Variants in ADNP observed in about 807,000 individuals in gnomAD.
ADNP encodes the protein activity dependent neuroprotector homeobox, also known as activity-dependent neuroprotector homeobox protein.
In ADNP, 4 loss-of-function variants were observed where a neutral mutation model predicts 84.9. The observed-to-expected ratio is 0.05, with a 90% confidence interval of 0.02 to 0.11. The LOEUF (loss-of-function observed/expected upper bound fraction) is 0.11. ADNP is among the 10% of genes least tolerant of loss of function. The pLI is 1.00. For synonymous variants in ADNP, 554 were observed against 468.1 expected, an observed-to-expected ratio of 1.18 and a Z score of -2.37; for missense variants, 1,132 against 1,326.0, an observed-to-expected ratio of 0.85 and a Z score of 2.27.
rs1980567576 is a variant in ADNP, at chr20:50,890,436, G to A, written c.*969C>T. 6.6e-6 allele frequency: 1 copy of A among 152,456 alleles called. No individual in the cohort carries two copies. Among genetic ancestry groups the A allele is most frequent in the African/African-American group, 2.4e-5 (1 of 41,456 alleles). 9.4% of individuals were successfully genotyped at this position (152,456 alleles called of 1,614,324 possible). ...ACAAAATTATACATACTACAACAGT[G>A]TGTCATATATTAGATGGTATAAATG... On this transcript the variant is annotated 3_prime_UTR_variant, in exon 6 of 6. Transcript: ENST00000621696.
intron 5 of ADNP, among the ~76,000 whole-genome samples, chr20:50,899,672 A>C (rs1433402233): frequency 2.0e-5 from 3 of 152,102 alleles, no homozygotes; most frequent in Non-Finnish European, 2.9e-5. Flanking sequence ...CTGCTCCTGA[A>C]AACCTTCCAG....
At chr20:50,909,123 C>G (rs2122882502) in intron 2 of ADNP, among the ~76,000 whole-genome samples, 1 of 151,022 alleles carries the variant, frequency 6.6e-6, no homozygotes, top group East Asian at 2.0e-4. Context: ...ATAATCCCAG[C>G]ACTTTGGGAG....
intron 2 of ADNP, among the ~76,000 whole-genome samples, chr20:50,926,916 C>A (rs1157387783): frequency 7.0e-6 from 1 of 143,494 alleles, no homozygotes; most frequent in Admixed American, 6.9e-5. Flanking sequence ...TAGCCAGCAT[C>A]ATCTTATTTA....
chr20:50,930,809 G>A lies in ADNP; in HGVS notation c.-265+17C>T, dbSNP rs1290424766. 1.3e-5 allele frequency: 2 copies of A among 148,842 alleles called. No homozygotes were observed. The highest frequency in any genetic ancestry group is 3.9e-4 in the East Asian group (2 of 5,102). The allele number at this position is 148,842 out of a possible 1,614,324, so 9.2% of individuals were successfully genotyped here. ...AGGGCAGGGCCGCGGGTCCGCGCGC[G>A]GCGGCGCCGGGCTTACCTTGACTCG... On this transcript the variant is annotated intron_variant, in intron 1 of 5. Coordinates refer to ENST00000621696, the MANE Select transcript of ADNP (RefSeq NM_001282531.3).
At chr20:50,904,093 C>T in intron 3 of ADNP, 92 bp from the exon 4 acceptor site, 1 of 959,474 alleles carries the variant, frequency 1.0e-6, no homozygotes, top group Non-Finnish European at 1.6e-6. Context: ...AAAACCTACC[C>T]ATCTGACAAA....
At chr20:50,901,321 T>TAAAAAAAAAAAAAAA (rs11470054) in intron 5 of ADNP, among the ~76,000 whole-genome samples, 1 of 92,758 alleles carries the variant, frequency 1.1e-5, no homozygotes, top group African/African-American at 4.1e-5. Context: ...CTGGGGTATT[T>TAAAAAAAAAAAAAAA]AAAAAAAAAA....
intron 1 of ADNP, among the ~76,000 whole-genome samples, chr20:50,929,035 T>A (rs1323685964): frequency 6.6e-6 from 1 of 152,174 alleles, no homozygotes; most frequent in Non-Finnish European, 1.5e-5. Context: ...GGGCTTGATG[T>A]TTACCAACAA....
chr20:50,918,882 GTTCA>G (rs1360526431), intron 2 of ADNP, among the ~76,000 whole-genome samples: 1 of 152,148 alleles, frequency 6.6e-6, no homozygotes, highest in Non-Finnish European at 1.5e-5. Flanking sequence ...TGCTGGTGTA[GTTCA>G]TTTATAGCAA....
rs1981126911 is a variant in ADNP at position 50,894,076 on chromosome 20, G to A, written c.638C>T (p.Ser213Leu). Residue 213 changes from serine (S) to leucine (L), a missense_variant, in exon 6 of 6, where the codon TCG (serine) becomes TTG (leucine). Ser to Leu is a moderately radical substitution (Grantham distance 145). Transcript: ENST00000621696. ...AATACTACTCTCTTCTCGGGCATTCGAGCCTAAGGGGACTGCCCCATTGAG... is the reference window on the plus strand; with the variant it reads ...AATACTACTCTCTTCTCGGGCATTCAAGCCTAAGGGGACTGCCCCATTGAG... Reference protein sequence around the residue: ...KSLNGAVPLGSNAREESSIHC... With the variant: ...KSLNGAVPLGLNAREESSIHC... 7 of 1,614,144 alleles carry A rather than the reference G, an allele frequency of 4.3e-6. No individual in the cohort carries two copies. Among genetic ancestry groups the A allele is most frequent in the South Asian group, 1.1e-5 (1 of 91,076 alleles).
rs1192317566 is a variant in ADNP, at chr20:50,930,903, G to A, written c.-342C>T. 6.9e-6 allele frequency: 1 copy of A among 144,664 alleles called. No individual in the cohort carries two copies. The highest frequency in any genetic ancestry group is 2.5e-5 in the African/African-American group (1 of 39,962). The allele number at this position is 144,664 out of a possible 1,614,324, so 9.0% of individuals were successfully genotyped here. ...GCGGCGGCGGCGGCGGGCGGATGGC[G>A]GCGGCACGGCGGTGGCGGCAGCGGG... On this transcript the variant is annotated 5_prime_UTR_variant, in exon 1 of 6. Coordinates refer to ENST00000621696, the MANE Select transcript of ADNP (RefSeq NM_001282531.3).
At chr20:50,912,669 CA>C (rs1021560495) in intron 2 of ADNP, among the ~76,000 whole-genome samples, 3 of 152,134 alleles carry the variant, frequency 2.0e-5, no homozygotes, top group Non-Finnish European at 2.9e-5. Context: ...GCCTAGTGGG[CA>C]ATCAAACCAA....
intron 2 of ADNP, among the ~76,000 whole-genome samples, chr20:50,920,767 T>C (rs573220430): frequency 7.9e-5 from 12 of 152,154 alleles, no homozygotes; most frequent in Non-Finnish European, 1.6e-4. Context: ...CAGGTGAAGC[T>C]TATAGCCTAA....
At chr20:50,930,653 G>C (rs111727802) in intron 1 of ADNP, among the ~76,000 whole-genome samples, 173 bp downstream of exon 1, 1 of 152,086 alleles carries the variant, frequency 6.6e-6, no homozygotes, top group Non-Finnish European at 1.5e-5. Context: ...CCGGGACGGG[G>C]GACCCGTCGG....
Position 50,891,404 on chromosome 20 carries a change from CT to C in ADNP, c.3309del (p.Ter1103=). 1 of 1,595,776 alleles carries C rather than the reference CT, an allele frequency of 6.3e-7. No individual in the cohort carries two copies. The highest frequency in any genetic ancestry group is 1.1e-5 in the South Asian group (1 of 87,958). On this transcript the variant is annotated frameshift_variant and stop_lost, in exon 6 of 6. Coordinates refer to ENST00000621696, the MANE Select transcript of ADNP (RefSeq NM_001282531.3). LOFTEE classifies it high-confidence loss of function. ...AGVKLSSQQA[*>X] ...GTCACCAACGCCAGGGAACCTGGCA[CT>C]TAGGCCTGTTGGCTGCTCAGTTTAA... is the stretch of plus-strand genomic sequence containing the variant.
At position 50,928,685 on chromosome 20, in the gene ADNP, G is replaced by A. The variant is rs950382256; in HGVS notation, c.-124C>T. 5 of 152,196 alleles carry A rather than the reference G, an allele frequency of 3.3e-5. No individual in the cohort carries two copies. Among genetic ancestry groups the A allele is most frequent in the African/African-American group, 1.2e-4 (5 of 41,424 alleles). The allele number at this position is 152,196 out of a possible 1,614,324, so 9.4% of individuals were successfully genotyped here. A position where few individuals can be genotyped will look rare whatever the true frequency, so the allele number is the denominator to read the frequency against. On this transcript the variant is annotated 5_prime_UTR_variant, in exon 2 of 6. Coordinates refer to ENST00000621696, the MANE Select transcript of ADNP (RefSeq NM_001282531.3). ...TTGACAATGTGGTCCAAAGAGCAAG[G>A]CAGGAAACGGAGTCCAGATCCTCAA... is the stretch of plus-strand genomic sequence containing the variant.
chr20:50,910,080 G>A (rs915651900), intron 2 of ADNP, among the ~76,000 whole-genome samples: 1 of 152,176 alleles, frequency 6.6e-6, no homozygotes, highest in Non-Finnish European at 1.5e-5. Flanking sequence ...GGACACAGAA[G>A]AGAAAGTGAA....
At position 50,892,508 on chromosome 20, in the gene ADNP, T is replaced by C. The variant is rs143847419; in HGVS notation, c.2206A>G (p.Ser736Gly). 6.2e-7 allele frequency: 1 copy of C among 1,614,238 alleles called. No individual in the cohort carries two copies. The highest frequency in any genetic ancestry group is 8.5e-7 in the Non-Finnish European group (1 of 1,180,046). Residue 736 changes from serine (S) to glycine (G), a missense_variant, in exon 6 of 6, where the codon AGT becomes GGT. Around this residue, in one of 10 missense-constraint regions of ADNP, gnomAD observed 101 missense variants for 78.5 expected, o/e 1.29. Coordinates refer to ENST00000621696, the MANE Select transcript of ADNP (RefSeq NM_001282531.3). Reference sequence around the variant, plus strand: ...TCTTCAAAGAAGCTGGGTGAATCACTATCATCATCTAACTTTCGTTTTTTC... The same window carrying C: ...TCTTCAAAGAAGCTGGGTGAATCACCATCATCATCTAACTTTCGTTTTTTC... ...LLKKRKLDDD[S>G]DSPSFFEEKP...
At chr20:50,910,731 T>C (rs1400636649) in intron 2 of ADNP, among the ~76,000 whole-genome samples, 2 of 152,156 alleles carry the variant, frequency 1.3e-5, no homozygotes, top group East Asian at 1.9e-4. Flanking sequence ...CACAGCTCAC[T>C]GCAGCCTCAA....
rs908722400 is a variant in ADNP, at chr20:50,890,994, T to G, written c.*411A>C. On this transcript the variant is annotated 3_prime_UTR_variant, in exon 6 of 6. Transcript: ENST00000621696. The stretch of plus-strand genomic sequence containing the variant: ...AATGAATACATGAAAAAAAATCGCT[T>G]TTCCCAAAGTCTACTATACACATTA... 3.0e-6 allele frequency: 3 copies of G among 997,932 alleles called. No homozygotes were observed. The African/African-American group carries it at 5.2e-5, about 17-fold the overall frequency. The allele number at this position is 997,932 out of a possible 1,614,324, so 61.8% of individuals were successfully genotyped here. A position where few individuals can be genotyped will look rare whatever the true frequency, so the allele number is the denominator to read the frequency against.
Sources: allele counts gnomAD v4.1 joint callset (sites outside exome capture counted in the v4.1 genomes callset), GRCh38; gene constraint gnomAD v4.1.1; regional missense constraint gnomAD v4.1.1; transcripts MANE v1.5; gene names NCBI Gene and HGNC (gene_info 2026-07-23, HGNC 2026-07-21).